The following CHN2 variants were observed in gnomAD, a reference collection of about 807,000 sequenced individuals.
CHN2 encodes the protein beta-chimaerin.
A neutral mutation model predicts 56.3 loss-of-function variants in CHN2; 35 were observed. The ratio of observed to expected loss-of-function variants is 0.62; its 90% confidence interval spans 0.47 to 0.82. CHN2 has a LOEUF of 0.82. Among genes scored for constraint, CHN2 ranks in the 40% least tolerant of loss-of-function variants. The pLI is 0.00. For synonymous variants in CHN2, 210 were observed against 212.8 expected (o/e 0.99, Z 0.12); for missense variants, 491 against 580.5 (o/e 0.85, Z 1.58).
At chr7:29,252,585 T>TTTTGTGTTTTGTTTTG (rs1788685469) in intron 1 of CHN2, among the ~76,000 whole-genome samples, 1 of 23,092 alleles carries the variant, frequency 4.3e-5, no homozygotes, top group African/African-American at 4.3e-4. Context: ...TTTGTTTTTT[T>TTTTGTGTTTTGTTTTG]TTTTTTTTTT....
At chr7:29,246,522 A>G (rs1409091580) in intron 1 of CHN2, among the ~76,000 whole-genome samples, 1 of 152,170 alleles carries the variant, frequency 6.6e-6, no homozygotes, top group African/African-American at 2.4e-5. Flanking sequence ...AATGTGATCC[A>G]TATGGCTCAC....
At chr7:29,177,039 A>G (rs1584576956) in intron 2 of CHN2, among the ~76,000 whole-genome samples, 1 of 152,190 alleles carries the variant, frequency 6.6e-6, no homozygotes, top group Admixed American at 6.5e-5. Flanking sequence ...GGGAAAAAAT[A>G]TAGATGGAAG....
At chr7:29,221,079 C>A (rs1785756690) in intron 1 of CHN2, among the ~76,000 whole-genome samples, 1 of 152,086 alleles carries the variant, frequency 6.6e-6, no homozygotes, top group Non-Finnish European at 1.5e-5. Flanking sequence ...TAAAAATTCT[C>A]AACAAACTAA....
chr7:29,184,243 T>G (rs1249816796), intron 2 of CHN2, among the ~76,000 whole-genome samples: 1 of 150,718 alleles, frequency 6.6e-6, no homozygotes, highest in Non-Finnish European at 1.5e-5. Context: ...GATATACATA[T>G]ACAATCTATA....
intron 7 of CHN2, among the ~76,000 whole-genome samples, chr7:29,487,657 C>A (rs1788179154): frequency 6.6e-6 from 1 of 151,992 alleles, no homozygotes; most frequent in Non-Finnish European, 1.5e-5. Flanking sequence ...TCCCTCCCTC[C>A]TTTCTTCTTT....
At chr7:29,377,813 G>A (rs912383539) in intron 3 of CHN2, among the ~76,000 whole-genome samples, 5 of 152,260 alleles carry the variant, frequency 3.3e-5, no homozygotes, top group Non-Finnish European at 7.4e-5. Flanking sequence ...CTTGTTGGAC[G>A]GAAAAGCAAG....
chr7:29,170,411 T>A (rs1334335776), intron 2 of CHN2, among the ~76,000 whole-genome samples: 2 of 152,210 alleles, frequency 1.3e-5, no homozygotes, highest in Non-Finnish European at 2.9e-5. Flanking sequence ...ATGCCAAAGA[T>A]TTGCCCTTTC....
chr7:29,224,523 A>G (rs951225491), intron 1 of CHN2, among the ~76,000 whole-genome samples: 1 of 152,210 alleles, frequency 6.6e-6, no homozygotes, highest in African/African-American at 2.4e-5. Context: ...CTAAAGGTTC[A>G]GGAGCCATTT....
At chr7:29,380,364 G>A (rs1311572482) in intron 3 of CHN2, among the ~76,000 whole-genome samples, 2 of 152,078 alleles carry the variant, frequency 1.3e-5, no homozygotes, top group Admixed American at 1.3e-4. Context: ...CAGTCTATAT[G>A]TAATATTAAA....
intron 1 of CHN2, among the ~76,000 whole-genome samples, chr7:29,346,259 C>T (rs10234898): frequency 0.24 from 36,523 of 152,128 alleles, 4,871 homozygotes; most frequent in Non-Finnish European, 0.3. Flanking sequence ...AGGACCCAAG[C>T]GTGGGCATAA....
chr7:29,424,613 G>A (rs1292517310), intron 6 of CHN2, among the ~76,000 whole-genome samples: 1 of 152,130 alleles, frequency 6.6e-6, no homozygotes, highest in Non-Finnish European at 1.5e-5. Context: ...TGACAGACAT[G>A]TTTTGACTGG....
intron 2 of CHN2, among the ~76,000 whole-genome samples, chr7:29,363,112 T>A (rs1798865746): frequency 1.3e-5 from 2 of 152,192 alleles, no homozygotes; most frequent in African/African-American, 2.4e-5. Context: ...ACACACACAC[T>A]GTCAGTAACA....
chr7:29,293,030 C>T, intron 1 of CHN2: 1 of 456,276 alleles, frequency 2.2e-6, no homozygotes, highest in South Asian at 1.5e-5. Flanking sequence ...TGAGCCTCAT[C>T]TTCCTCACCT....
At chr7:29,431,563 G>T (rs147582258) in intron 6 of CHN2, among the ~76,000 whole-genome samples, 121 of 152,290 alleles carry the variant, frequency 7.9e-4, no homozygotes, top group Non-Finnish European at 1.4e-3. Flanking sequence ...TTAGAAGGTT[G>T]GTTGGTCCAC....
intron 7 of CHN2, among the ~76,000 whole-genome samples, chr7:29,487,213 T>TTTTTG (rs1554301672): frequency 6.6e-6 from 1 of 151,586 alleles, no homozygotes; most frequent in African/African-American, 2.4e-5. Flanking sequence ...TTTGTTTTTT[T>TTTTTG]TTTGTTTGTT....
intron 1 of CHN2, among the ~76,000 whole-genome samples, chr7:29,217,661 C>A (rs1785446622): frequency 6.6e-6 from 1 of 152,102 alleles, no homozygotes; most frequent in Admixed American, 6.5e-5. Flanking sequence ...GCCCTGAAGT[C>A]CTTTGGATTT....
At chr7:29,204,063 CTCTCTG>C (rs1429100748) in intron 1 of CHN2, among the ~76,000 whole-genome samples, 242 of 108,938 alleles carry the variant, frequency 2.2e-3, no homozygotes, top group Admixed American at 3.8e-3. Context: ...GTTTTTCTCT[CTCTCTG>C]TGTGTGTGTG....
At chr7:29,201,373 C>T (rs1459896698) in intron 1 of CHN2, among the ~76,000 whole-genome samples, 1 of 152,134 alleles carries the variant, frequency 6.6e-6, no homozygotes, top group African/African-American at 2.4e-5. Flanking sequence ...CTTCCTGGCT[C>T]ATCCTAAAGA....
intron 4 of CHN2, among the ~76,000 whole-genome samples, chr7:29,394,200 G>A (rs1355773127): frequency 6.6e-6 from 1 of 152,104 alleles, no homozygotes; most frequent in Non-Finnish European, 1.5e-5. Flanking sequence ...TAGCCAAATT[G>A]CCTTAATACT....
Sources: allele counts gnomAD v4.1 joint callset (sites outside exome capture counted in the v4.1 genomes callset), GRCh38; gene constraint gnomAD v4.1.1; transcripts MANE v1.5; gene names NCBI Gene and HGNC (gene_info 2026-07-23, HGNC 2026-07-21).